Variants in RUNX3 observed in about 807,000 individuals in gnomAD.
RUNX3 encodes runt-related transcription factor 3.
A neutral mutation model predicts 27.7 loss-of-function variants in RUNX3; 10 were observed. The ratio of observed to expected loss-of-function variants is 0.36; its 90% CI spans 0.22 to 0.61. The LOEUF is 0.61. Among genes scored for constraint, RUNX3 ranks in the 20% least tolerant of loss-of-function variants. The pLI is 0.72. For missense variants in RUNX3, 469 were observed against 629.5 expected (o/e 0.75, Z 2.73); for synonymous variants, 270 against 269.2 (o/e 1.00, Z -0.03).
chr1:24,925,030 CA>C, intron 2 of RUNX3, among the ~76,000 whole-genome samples: 1 of 152,286 alleles, frequency 6.6e-6, no homozygotes, highest in South Asian at 2.1e-4. Flanking sequence ...ATTGAGGCAA[CA>C]AGCAGAGGTT....
At chr1:24,929,295 G>T in intron 1 of RUNX3, 1 of 649,962 alleles carries the variant, frequency 1.5e-6, no homozygotes, top group Non-Finnish European at 2.8e-6. Context: ...TCCGGGTTAG[G>T]GGGGCGCAAA....
rs1411830824 is a variant in RUNX3 at position 24,927,856 on chromosome 1, A to G, written c.283-126T>C. 6 of 766,366 alleles carry G rather than the reference A, an allele frequency of 7.8e-6. No individual in the cohort carries two copies. The highest frequency in any genetic ancestry group is 1.3e-5 in the Non-Finnish European group (6 of 452,260). The allele number at this position is 766,366 out of a possible 1,614,324, so 47.5% of individuals were successfully genotyped here. A position where few individuals can be genotyped will look rare whatever the true frequency, so the allele number is the denominator to read the frequency against. On this transcript the variant is annotated intron_variant, in intron 1 of 4. Transcript: ENST00000308873. This position sits in a 1 kb window ranked among gnomAD's most constrained non-coding sequence, Gnocchi z 5.0. ...CCCAGGCACACTGAGTATTTCTCCA[A>G]TGCAGGGTGGAGAAGAGGCTTAAAA...
At chr1:24,958,107 G>T (rs1450658401) in intron 2 of RUNX3, among the ~76,000 whole-genome samples, 1 of 152,170 alleles carries the variant, frequency 6.6e-6, no homozygotes. Context: ...GGCCCGAGCC[G>T]ATCAGGAGGC....
Position 24,901,797 on chromosome 1 carries a change from C to T in RUNX3, c.*325G>A. On this transcript the variant is annotated 3_prime_UTR_variant, in exon 5 of 5. Transcript: ENST00000308873. ...TGTCCCAGGAGACATGGGTCCCATG[C>T]AGCACTGGGCATAGCTGGAGACAGT... is the stretch of plus-strand genomic sequence containing the variant. The T allele has an allele frequency of 6.0e-6, 2 of 333,706 alleles. No homozygotes were observed. The highest frequency in any genetic ancestry group is 1.1e-5 in the Non-Finnish European group (2 of 181,156). 20.7% of individuals were successfully genotyped at this position (333,706 alleles called of 1,614,324 possible).
rs550439903 is a variant in RUNX3, at chr1:24,906,741, C to T, written c.703+518G>A. ...GACCTTTCCCAGGAATGCTATGTGC[C>T]TCTCTAGGGTTGGAATGTCACTTAA... On this transcript the variant is annotated intron_variant, in intron 4 of 4. Transcript: ENST00000308873. 1.2e-4 allele frequency among the ~76,000 whole-genome samples: 18 copies of T among 152,182 alleles called. No individual in the cohort carries two copies. The South Asian group carries it at 1.7e-3, about 14-fold the overall frequency.
At chr1:24,933,842 A>G (rs1641287213), upstream of RUNX3, among the ~76,000 whole-genome samples, 1 of 152,234 alleles carries the variant, frequency 6.6e-6, no homozygotes, top group African/African-American at 2.4e-5. Flanking sequence ...CGAATCACAC[A>G]GGAGCCTAGT....
chr1:24,951,216 A>AAAAT (rs1553207421), intron 2 of RUNX3, among the ~76,000 whole-genome samples: 7 of 150,786 alleles, frequency 4.6e-5, no homozygotes, highest in Non-Finnish European at 8.9e-5. Context: ...AAAAAAAAAA[A>AAAAT]AAAAAAATAA....
rs757333913 is a variant in RUNX3, at chr1:24,902,717, G to A, written c.704-51C>T. On this transcript the variant is annotated intron_variant, in intron 4 of 4. Coordinates refer to ENST00000308873, the MANE Select transcript of RUNX3 (RefSeq NM_004350.3). This position sits in a 1 kb window ranked among gnomAD's most constrained non-coding sequence, Gnocchi z 9.2. The stretch of plus-strand genomic sequence containing the variant: ...GTTCCAGCTCGAGACAACCCCAGGA[G>A]GGCTTCCTGAAGAATGACCTTGGGC... The A allele has an allele frequency of 2.8e-6, 4 of 1,447,338 alleles. No homozygotes were observed. The highest frequency in any genetic ancestry group is 2.4e-5 in the Admixed American group (1 of 42,352). The allele number at this position is 1,447,338 out of a possible 1,614,324, so 89.7% of individuals were successfully genotyped here.
intron 2 of RUNX3, among the ~76,000 whole-genome samples, chr1:24,952,684 G>A (rs1291520632): frequency 6.6e-6 from 1 of 152,158 alleles, no homozygotes; most frequent in Non-Finnish European, 1.5e-5. Flanking sequence ...CATTCCTCCT[G>A]TTCTCACCTT....
At chr1:24,914,058 C>T (rs1317760253) in intron 3 of RUNX3, among the ~76,000 whole-genome samples, 2 of 152,254 alleles carry the variant, frequency 1.3e-5, no homozygotes, top group Non-Finnish European at 2.9e-5. Context: ...TGTGGCACCC[C>T]TGAGATTCAA....
intron 2 of RUNX3, among the ~76,000 whole-genome samples, chr1:24,945,219 T>C (rs1039307898): frequency 3.3e-5 from 5 of 152,212 alleles, no homozygotes; most frequent in African/African-American, 1.2e-4. Context: ...GCCCCAAATA[T>C]TGCAATTATT....
chr1:24,926,469 T>C (rs1389395820), intron 2 of RUNX3, among the ~76,000 whole-genome samples: 3 of 152,196 alleles, frequency 2.0e-5, no homozygotes, highest in Non-Finnish European at 4.4e-5. Flanking sequence ...AAGTAACAAG[T>C]AAACAGTTAT....
intron 2 of RUNX3, among the ~76,000 whole-genome samples, chr1:24,955,073 A>G (rs1402681870): frequency 1.3e-5 from 2 of 152,074 alleles, no homozygotes; most frequent in Non-Finnish European, 2.9e-5. Flanking sequence ...TCCTTCTTCC[A>G]TACCTTTGCC....
chr1:24,937,590 G>A (rs1358654206), intron 2 of RUNX3, among the ~76,000 whole-genome samples: 1 of 152,230 alleles, frequency 6.6e-6, no homozygotes, highest in Non-Finnish European at 1.5e-5. Flanking sequence ...CTTGAACTCA[G>A]GTCTCCCTGA....
intron 2 of RUNX3, among the ~76,000 whole-genome samples, chr1:24,922,518 A>G (rs1641019081): frequency 6.6e-6 from 1 of 152,120 alleles, no homozygotes; most frequent in Admixed American, 6.5e-5. Flanking sequence ...CTTACATATC[A>G]CATTACAGTT....
In RUNX3 at chr1:24,927,502, C is replaced by G; in HGVS notation, c.439+72G>C. 1 of 1,503,288 alleles carries G rather than the reference C, an allele frequency of 6.7e-7. No individual in the cohort carries two copies. The highest frequency in any genetic ancestry group is 1.7e-5 in the Admixed American group (1 of 59,260). The allele number at this position is 1,503,288 out of a possible 1,614,324, so 93.1% of individuals were successfully genotyped here. ...CCTGTTTTTCGGGATTCTAAGGCCC[C>G]TCTTTCAACCTCCTTCCCTGCTGCC... On this transcript the variant is annotated intron_variant, in intron 2 of 4. Coordinates refer to ENST00000308873, the MANE Select transcript of RUNX3 (RefSeq NM_004350.3). The surrounding 1 kb of genome is among the most constrained non-coding windows in gnomAD (Gnocchi z 5.0).
intron 2 of RUNX3, among the ~76,000 whole-genome samples, chr1:24,956,770 TG>T (rs1266310266): frequency 1.3e-5 from 2 of 152,202 alleles, no homozygotes; most frequent in Non-Finnish European, 2.9e-5. Flanking sequence ...AAGTTGGGTT[TG>T]GGAATAGGGG....
chr1:24,951,757 C>T (rs186087492), intron 2 of RUNX3, among the ~76,000 whole-genome samples: 3 of 152,206 alleles, frequency 2.0e-5, no homozygotes, highest in Admixed American at 6.5e-5. Flanking sequence ...TGGATGCAGG[C>T]TGCCTGGGTG....
intron 1 of RUNX3, among the ~76,000 whole-genome samples, chr1:24,928,361 A>C (rs537002152): frequency 1.3e-5 from 2 of 152,314 alleles, no homozygotes; most frequent in South Asian, 2.1e-4. Flanking sequence ...GGAAGGATGC[A>C]CCTGCCGGGA....
Sources: allele counts gnomAD v4.1 joint callset (sites outside exome capture counted in the v4.1 genomes callset), GRCh38; gene constraint gnomAD v4.1.1; non-coding constraint Gnocchi (gnomAD v3.1); transcripts MANE v1.5; gene names NCBI Gene and HGNC (gene_info 2026-07-23, HGNC 2026-07-21).